The following RNF220 variants were observed in gnomAD, a reference collection of about 807,000 sequenced individuals.
RNF220 encodes E3 ubiquitin-protein ligase RNF220.
RNF220 carries 7 observed loss-of-function variants against 67.1 expected under a neutral mutation model. The ratio of observed to expected loss-of-function variants is 0.10; its 90% CI spans 0.06 to 0.20. The LOEUF (loss-of-function observed/expected upper bound fraction) is 0.20, where lower values mean the gene tolerates loss of function less well. RNF220 is among the 10% of genes least tolerant of loss of function. The probability of loss-of-function intolerance (pLI) is 1.00; values close to 1 mark genes in which losing one functional copy is unlikely to be tolerated. For synonymous variants in RNF220, 270 were observed against 283.2 expected, an observed-to-expected ratio of 0.95 and a Z score of 0.47; for missense variants, 565 against 740.3, an observed-to-expected ratio of 0.76 and a Z score of 2.75.
intron 1 of RNF220, among the ~76,000 whole-genome samples, chr1:44,407,515 G>A (rs2147790177): frequency 6.6e-6 from 1 of 152,226 alleles, no homozygotes; most frequent in African/African-American, 2.4e-5. Context: ...CAAAAGTGGC[G>A]TGAGTTCGCT....
chr1:44,502,903 C>T (rs918429803), intron 2 of RNF220, among the ~76,000 whole-genome samples: 3 of 152,112 alleles, frequency 2.0e-5, no homozygotes, highest in Non-Finnish European at 2.9e-5. Context: ...GTAGCTGGGA[C>T]TATAGAAGCA....
intron 2 of RNF220, among the ~76,000 whole-genome samples, chr1:44,599,120 A>G (rs1666743004): frequency 6.6e-6 from 1 of 152,184 alleles, no homozygotes. Flanking sequence ...TCTGCCCTCA[A>G]GAAGCTCAGC....
chr1:44,410,578 C>G (rs1647861210), intron 1 of RNF220: 1 of 152,190 alleles, frequency 6.6e-6, no homozygotes, highest in African/African-American at 2.4e-5. Context: ...GACATGTCTG[C>G]TACAGGATGG....
rs769143090 is a variant in RNF220, at chr1:44,624,756, C to T, written c.805-1541C>T. ...CGTTGCCATTAAGAAAAAAATTAGC[C>T]GGTGGCGGCTATCATATTAAAGGGT... On this transcript the variant is annotated intron_variant, in intron 4 of 14. Coordinates refer to ENST00000361799, the MANE Select transcript of RNF220 (RefSeq NM_018150.4). The surrounding 1 kb of genome is among the most constrained non-coding windows in gnomAD (Gnocchi z 4.2). Among the ~76,000 whole-genome samples the T allele has an allele frequency of 6.6e-6, 1 of 152,060 alleles. No homozygotes were observed. Among genetic ancestry groups the T allele is most frequent in the African/African-American group, 2.4e-5 (1 of 41,388 alleles).
intron 2 of RNF220, among the ~76,000 whole-genome samples, chr1:44,497,264 C>G (rs1240267820): frequency 6.6e-6 from 1 of 151,998 alleles, no homozygotes; most frequent in Non-Finnish European, 1.5e-5. Flanking sequence ...GCCTACCCTA[C>G]CCACAGTCCA....
chr1:44,567,140 G>C (rs1452628797), intron 2 of RNF220, among the ~76,000 whole-genome samples: 1 of 152,132 alleles, frequency 6.6e-6, no homozygotes, highest in African/African-American at 2.4e-5. Context: ...CGAGTGGAGG[G>C]GTCAGTGTTC....
At chr1:44,598,984 A>C (rs1666733728) in intron 2 of RNF220, among the ~76,000 whole-genome samples, 1 of 151,498 alleles carries the variant, frequency 6.6e-6, no homozygotes, top group Admixed American at 6.6e-5. Context: ...TTTTCCAGAC[A>C]TTCTCCTGCA....
Position 44,502,190 on chromosome 1 carries a change from G to A in RNF220, c.625+89468G>A, listed in dbSNP as rs546468041. On this transcript the variant is annotated intron_variant, in intron 2 of 14. Transcript: ENST00000361799. Reference sequence around the variant, plus strand: ...ACACACACACACACACACCATACACGCTCACACACACACATACACTTTATG... The same window carrying A: ...ACACACACACACACACACCATACACACTCACACACACACATACACTTTATG... Among the ~76,000 whole-genome samples, 835 of 143,830 alleles carry A rather than the reference G, an allele frequency of 5.8e-3. 3 individuals carry two copies. The highest frequency in any genetic ancestry group is 8.7e-3 in the Non-Finnish European group (569 of 65,714). The allele number at this position is 143,830 out of a possible 152,430, so 94.4% of individuals were successfully genotyped here.
intron 2 of RNF220, among the ~76,000 whole-genome samples, chr1:44,425,107 CA>C (rs1572456576): frequency 6.6e-6 from 1 of 152,152 alleles, no homozygotes; most frequent in African/African-American, 2.4e-5. Context: ...TTAACCCTTC[CA>C]GGGGGCAGCT....
intron 2 of RNF220, among the ~76,000 whole-genome samples, chr1:44,608,226 A>G (rs1227388519): frequency 6.6e-6 from 1 of 152,110 alleles, no homozygotes. Flanking sequence ...CACCGGCCCC[A>G]TGTACTTTTC....
At chr1:44,501,645 G>A (rs536928132) in intron 2 of RNF220, among the ~76,000 whole-genome samples, 126 of 152,228 alleles carry the variant, frequency 8.3e-4, no homozygotes, top group Non-Finnish European at 1.4e-3. Context: ...GACTTTTTAA[G>A]CCAGGAAAGA....
At chr1:44,476,439 A>G (rs1356033886) in intron 2 of RNF220, among the ~76,000 whole-genome samples, 1 of 152,256 alleles carries the variant, frequency 6.6e-6, no homozygotes, top group African/African-American at 2.4e-5. Context: ...ATTTAGAGTT[A>G]GAAAAGCCAG....
At chr1:44,525,810 C>G (rs555449839) in intron 2 of RNF220, among the ~76,000 whole-genome samples, 1 of 152,292 alleles carries the variant, frequency 6.6e-6, no homozygotes, top group Non-Finnish European at 1.5e-5. Flanking sequence ...TCCATGGAAA[C>G]ACAGCCCCGC....
chr1:44,472,715 C>A (rs1654922878), intron 2 of RNF220, among the ~76,000 whole-genome samples: 1 of 152,224 alleles, frequency 6.6e-6, no homozygotes, highest in African/African-American at 2.4e-5. Flanking sequence ...CCTTCTCACA[C>A]TTTCTGTTTT....
At chr1:44,540,690 T>C (rs534859789) in intron 2 of RNF220, among the ~76,000 whole-genome samples, 6 of 152,188 alleles carry the variant, frequency 3.9e-5, no homozygotes, top group Admixed American at 1.3e-4. Flanking sequence ...CTTCCTTTTT[T>C]TTCTTTATTG....
chr1:44,606,204 G>A lies in RNF220; in HGVS notation c.626-7961G>A, dbSNP rs115695814. Reference sequence around the variant, plus strand: ...AAAACCAGCCGCATTGCTCTGGCCCGGAGACTGGGGAATGCCAATATACGA... The same window carrying A: ...AAAACCAGCCGCATTGCTCTGGCCCAGAGACTGGGGAATGCCAATATACGA... On this transcript the variant is annotated intron_variant, in intron 2 of 14. Coordinates refer to ENST00000361799, the MANE Select transcript of RNF220 (RefSeq NM_018150.4). The surrounding 1 kb of genome is among the most constrained non-coding windows in gnomAD (Gnocchi z 4.2). Among the ~76,000 whole-genome samples the A allele has an allele frequency of 4.0e-4, 61 of 152,364 alleles. 1 individual carries two copies. In the Middle Eastern group the frequency reaches 0.01, roughly 25 times the overall value.
At chr1:44,535,498 T>C (rs895351673) in intron 2 of RNF220, among the ~76,000 whole-genome samples, 6 of 152,206 alleles carry the variant, frequency 3.9e-5, no homozygotes, top group African/African-American at 1.4e-4. Flanking sequence ...TTGCCTTGTT[T>C]ACTATTAGGG....
chr1:44,551,675 G>A lies in RNF220; in HGVS notation c.626-62490G>A, dbSNP rs573610320. On this transcript the variant is annotated intron_variant, in intron 2 of 14. Coordinates refer to ENST00000361799, the MANE Select transcript of RNF220 (RefSeq NM_018150.4). ...TTTTAAATCTTTACTAATTTGATTAGCCAAAGGGGAAAAAAAATCTTTCTG... is the reference window on the plus strand; with the variant it reads ...TTTTAAATCTTTACTAATTTGATTAACCAAAGGGGAAAAAAAATCTTTCTG... 2.9e-3 allele frequency among the ~76,000 whole-genome samples: 438 copies of A among 152,166 alleles called. 4 individuals are homozygous for A. Among genetic ancestry groups the A allele is most frequent in the African/African-American group, 0.01 (420 of 41,484 alleles).
chr1:44,470,315 C>A (rs1654689852), intron 2 of RNF220, among the ~76,000 whole-genome samples: 1 of 152,126 alleles, frequency 6.6e-6, no homozygotes, highest in African/African-American at 2.4e-5. Flanking sequence ...TGGAAGAGAA[C>A]TAAGTTTGGA....
Sources: gnomAD v4.1 joint callset for allele counts (sites outside exome capture counted in the v4.1 genomes callset) on GRCh38, gnomAD v4.1.1 for gene constraint, Gnocchi (gnomAD v3.1) non-coding constraint, MANE v1.5 for transcripts, NCBI Gene and HGNC (gene_info 2026-07-23, HGNC 2026-07-21) for gene names.